KALRN: variants seen among roughly 807,000 people sequenced by gnomAD.
KALRN encodes the protein kalirin RhoGEF kinase.
A neutral mutation model predicts 353.7 loss-of-function variants in KALRN; 70 were observed. The ratio of observed to expected loss-of-function variants is 0.20; its 90% CI spans 0.16 to 0.24. The LOEUF is 0.24. KALRN is among the 10% of genes least tolerant of loss of function. The pLI, the probability that KALRN is intolerant of heterozygous loss-of-function variation, is 1.00. For missense variants in KALRN, 2,791 were observed against 3,756.7 expected (o/e 0.74, Z 6.72); for synonymous variants, 1,391 against 1,434.8 (o/e 0.97, Z 0.69).
rs113035965 is a variant in KALRN, at chr3:124,203,152, G to A, written c.74-24838G>A. 1.9e-3 allele frequency among the ~76,000 whole-genome samples: 291 copies of A among 152,258 alleles called. 1 individual carries two copies. The highest frequency in any genetic ancestry group is 3.0e-3 in the Non-Finnish European group (205 of 68,024). On this transcript the variant is annotated intron_variant, in intron 1 of 59. Transcript: ENST00000682506. ...TGTTTCCCAGAAACCTGGTGTCATCGGTCATCAAGCTTCCAATTAGCTGAA... is the reference window on the plus strand; with the variant it reads ...TGTTTCCCAGAAACCTGGTGTCATCAGTCATCAAGCTTCCAATTAGCTGAA...
At chr3:124,677,819 C>G (rs1195836913) in intron 49 of KALRN, among the ~76,000 whole-genome samples, 1 of 152,222 alleles carries the variant, frequency 6.6e-6, no homozygotes. Flanking sequence ...CTATTCTACT[C>G]TTCGCCCCCT....
chr3:124,468,434 C>T (rs889458769), intron 25 of KALRN, among the ~76,000 whole-genome samples: 8 of 152,144 alleles, frequency 5.3e-5, no homozygotes, highest in African/African-American at 1.7e-4. Flanking sequence ...TGGGGAAAGG[C>T]CGCCCTGTCA....
chr3:124,713,413 C>T (rs332508), intron 58 of KALRN, among the ~76,000 whole-genome samples: 91,624 of 151,918 alleles, frequency 0.6, 27,843 homozygotes, highest in East Asian at 0.75. Context: ...CACTTCCATG[C>T]TTATTTTCTT....
intron 1 of KALRN, among the ~76,000 whole-genome samples, chr3:124,120,661 G>A (rs1052152039): frequency 4.1e-5 from 6 of 146,884 alleles, no homozygotes; most frequent in African/African-American, 1.3e-4. Context: ...AATGTGAACA[G>A]AAGAATCCCT....
chr3:124,608,633 G>T lies in KALRN; in HGVS notation c.5183-23787G>T, dbSNP rs146881517. Among the ~76,000 whole-genome samples the T allele has an allele frequency of 6.2e-4, 94 of 152,280 alleles. 1 individual carries two copies. In the East Asian group the frequency reaches 0.017, roughly 28 times the overall value. ...TCTGGGAGCTGCCTTTTCTGCTGCA[G>T]GCCTGCCCAAGAGTTGGGAACAAAG... On this transcript the variant is annotated intron_variant, in intron 34 of 59. Coordinates refer to ENST00000682506, the MANE Select transcript of KALRN (RefSeq NM_001388419.1).
At chr3:124,278,703 T>G (rs1347051128) in intron 5 of KALRN, among the ~76,000 whole-genome samples, 1 of 152,184 alleles carries the variant, frequency 6.6e-6, no homozygotes, top group African/African-American at 2.4e-5. Context: ...TAAAGTAATT[T>G]GGGAATGCCC....
At chr3:124,102,538 C>T (rs1199602382) in intron 1 of KALRN, among the ~76,000 whole-genome samples, 4 of 152,164 alleles carry the variant, frequency 2.6e-5, no homozygotes. Flanking sequence ...ATAATACATA[C>T]CTCAGGAGGT....
At chr3:124,132,270 T>C (rs2065386343) in intron 1 of KALRN, among the ~76,000 whole-genome samples, 1 of 152,148 alleles carries the variant, frequency 6.6e-6, no homozygotes, top group African/African-American at 2.4e-5. Context: ...CAGGTGGACA[T>C]GTCTTGATGA....
intron 34 of KALRN, among the ~76,000 whole-genome samples, chr3:124,582,055 C>T (rs2074682606): frequency 6.8e-6 from 1 of 146,452 alleles, no homozygotes; most frequent in Admixed American, 6.8e-5. Context: ...GAGTCTCACT[C>T]TGTTGCCCAG....
At chr3:124,402,116 T>C (rs2150131111) in intron 13 of KALRN, among the ~76,000 whole-genome samples, 1 of 152,280 alleles carries the variant, frequency 6.6e-6, no homozygotes, top group Non-Finnish European at 1.5e-5. Flanking sequence ...AATCTAAACA[T>C]GACTCCTTAG....
At chr3:124,370,189 G>C (rs973612878) in intron 10 of KALRN, among the ~76,000 whole-genome samples, 1 of 152,170 alleles carries the variant, frequency 6.6e-6, no homozygotes, top group Non-Finnish European at 1.5e-5. Flanking sequence ...CCAGGTCAAT[G>C]TATGTTCTTA....
intron 41 of KALRN, 109 bp from the exon 42 acceptor site, chr3:124,658,322 C>G (rs1261909106): frequency 9.8e-6 from 8 of 815,854 alleles, no homozygotes; most frequent in Non-Finnish European, 1.7e-5. Flanking sequence ...TGGTGCGTCC[C>G]CAAGTGCGCC....
intron 9 of KALRN, among the ~76,000 whole-genome samples, chr3:124,343,317 C>G (rs1341041528): frequency 6.6e-6 from 1 of 152,112 alleles, no homozygotes. Flanking sequence ...ACCACCACGC[C>G]TGGCAATTTT....
At chr3:124,633,640 TGTG>T (rs1232600468) in intron 35 of KALRN, among the ~76,000 whole-genome samples, 2 of 40,212 alleles carry the variant, frequency 5.0e-5, no homozygotes, top group African/African-American at 1.4e-4. Flanking sequence ...TTTGGGGGTG[TGTG>T]TGTGTGTGTG....
At chr3:124,347,087 C>T in intron 9 of KALRN, 56 bp from the exon 10 acceptor site, 1 of 1,610,668 alleles carries the variant, frequency 6.2e-7, no homozygotes, top group South Asian at 1.1e-5. Context: ...CACATGTTGT[C>T]ACATGTCTTT....
At chr3:124,689,630 C>G (rs536811172) in intron 51 of KALRN, among the ~76,000 whole-genome samples, 1 of 152,286 alleles carries the variant, frequency 6.6e-6, no homozygotes, top group East Asian at 1.9e-4. Flanking sequence ...ATAAAGCCCT[C>G]AGGATCCTGC....
chr3:124,549,346 CACAT>C (rs1205214656), intron 33 of KALRN, among the ~76,000 whole-genome samples: 1 of 146,316 alleles, frequency 6.8e-6, no homozygotes, highest in Admixed American at 6.7e-5. Flanking sequence ...CACACACACA[CACAT>C]AATCACACAC....
Position 124,392,789 on chromosome 3 carries a change from A to AT in KALRN, c.1963-2336dup, listed in dbSNP as rs200007143. Among the ~76,000 whole-genome samples the AT allele has an allele frequency of 9.2e-4, 134 of 145,840 alleles. 1 individual carries two copies. The highest frequency in any genetic ancestry group is 3.4e-3 in the East Asian group (17 of 5,018). ...CCAGCTAATTTTTGTATTTTTTTTTATTTTTTTTTTATTATACTTTAAGTT... is the reference window on the plus strand; with the variant it reads ...CCAGCTAATTTTTGTATTTTTTTTTATTTTTTTTTTTATTATACTTTAAGTT... On this transcript the variant is annotated intron_variant, in intron 11 of 59. Transcript: ENST00000682506.
chr3:124,489,601 C>T (rs2062921820), intron 29 of KALRN, among the ~76,000 whole-genome samples: 1 of 152,132 alleles, frequency 6.6e-6, no homozygotes, highest in Non-Finnish European at 1.5e-5. Flanking sequence ...TTCTCCACTC[C>T]TTTCCTCTCT....
Sources: gnomAD v4.1 joint callset for allele counts (sites outside exome capture counted in the v4.1 genomes callset) on GRCh38, gnomAD v4.1.1 for gene constraint, MANE v1.5 for transcripts, NCBI Gene and HGNC (gene_info 2026-07-23, HGNC 2026-07-21) for gene names.